ZNF718: variants seen among roughly 807,000 people sequenced by gnomAD.
ZNF718 encodes the protein zinc finger protein 718.
In ZNF718, 3 loss-of-function variants were observed where a neutral mutation model predicts 2.6. The observed-to-expected ratio is 1.16, with a 90% CI of 0.53 to 3.01. The LOEUF (loss-of-function observed/expected upper bound fraction) is 3.01. Ranked by LOEUF, ZNF718 falls within the 30% of genes most tolerant of loss-of-function variation. The pLI, the probability that ZNF718 is intolerant of heterozygous loss-of-function variation, is 0.03. For synonymous variants in ZNF718, 135 were observed against 77.9 expected, an observed-to-expected ratio of 1.73 and a Z score of -3.86; for missense variants, 468 against 230.0, an observed-to-expected ratio of 2.03 and a Z score of -6.69.
chr4:178,493 CATT>C (rs1490651397), intron 3 of ZNF718, among the ~76,000 whole-genome samples: 1 of 152,120 alleles, frequency 6.6e-6, no homozygotes, highest in African/African-American at 2.4e-5. Context: ...TTGGAGGCTG[CATT>C]ATTCTCTTCT....
intron 3 of ZNF718, among the ~76,000 whole-genome samples, chr4:171,070 G>T (rs1246239038): frequency 6.6e-6 from 1 of 152,146 alleles, no homozygotes; most frequent in Admixed American, 6.5e-5. Flanking sequence ...TAACAGTCAG[G>T]ACCCGCAGCT....
chr4:177,402 A>G (rs1225052817), intron 3 of ZNF718, among the ~76,000 whole-genome samples: 3 of 152,214 alleles, frequency 2.0e-5, no homozygotes, highest in East Asian at 3.8e-4. Context: ...AGGCAAGTCC[A>G]GAATCATGTG....
At chr4:147,550 G>A (rs1419182348) in intron 3 of ZNF718, among the ~76,000 whole-genome samples, 2 of 152,048 alleles carry the variant, frequency 1.3e-5, no homozygotes, top group East Asian at 3.9e-4. Context: ...TCTGTTTTCT[G>A]AGAACACCAA....
At chr4:181,262 T>C (rs543739738) in intron 3 of ZNF718, among the ~76,000 whole-genome samples, 1 of 140,742 alleles carries the variant, frequency 7.1e-6, no homozygotes, top group South Asian at 2.4e-4. Flanking sequence ...CACCTCAGCC[T>C]CTCCAAGAGC....
intron 3 of ZNF718, among the ~76,000 whole-genome samples, chr4:175,548 T>A (rs1717328885): frequency 6.6e-6 from 1 of 152,214 alleles, no homozygotes; most frequent in Non-Finnish European, 1.5e-5. Flanking sequence ...GCACTGTTTA[T>A]TCTTTCTTTA....
At chr4:149,006 A>G (rs1057101418) in intron 3 of ZNF718, among the ~76,000 whole-genome samples, 8 of 152,266 alleles carry the variant, frequency 5.3e-5, no homozygotes, top group African/African-American at 1.2e-4. Context: ...TGGATTCACA[A>G]TCTTTTACAT....
chr4:156,296 A>G lies in ZNF718; in HGVS notation c.227-4616A>G, dbSNP rs560106618. ...TTCCTGCATTGTTTATAAGTTGTAT[A>G]CTTGCTCTGTTTGTGTGTATACAAT... is the stretch of plus-strand genomic sequence containing the variant. On this transcript the variant is annotated intron_variant, in intron 3 of 3. Coordinates refer to ENST00000510175, the MANE Select transcript of ZNF718 (RefSeq NM_001039127.6). Among the ~76,000 whole-genome samples the G allele has an allele frequency of 2.6e-5, 4 of 152,134 alleles. No individual in the cohort carries two copies. The South Asian group carries it at 8.3e-4, about 32-fold the overall frequency.
intron 3 of ZNF718, among the ~76,000 whole-genome samples, chr4:135,256 A>AC (rs1330228021): frequency 1.9e-4 from 29 of 150,782 alleles, no homozygotes; most frequent in Non-Finnish European, 3.8e-4. Context: ...AAAAAAAAAA[A>AC]AGTTTATTTT....
intron 3 of ZNF718, among the ~76,000 whole-genome samples, chr4:179,146 CT>C (rs372734108): frequency 1.3e-5 from 2 of 152,160 alleles, no homozygotes; most frequent in African/African-American, 4.8e-5. Flanking sequence ...AGAGTCTGAC[CT>C]TTTCTTCACT....
At chr4:138,783 T>A (rs770794087) in intron 3 of ZNF718, among the ~76,000 whole-genome samples, 14 of 152,140 alleles carry the variant, frequency 9.2e-5, no homozygotes, top group Non-Finnish European at 1.5e-4. Context: ...TTTCTCCACA[T>A]CCTCACCAGC....
At chr4:138,992 T>C (rs1553809860) in intron 3 of ZNF718, among the ~76,000 whole-genome samples, 2 of 152,234 alleles carry the variant, frequency 1.3e-5, no homozygotes, top group Non-Finnish European at 2.9e-5. Flanking sequence ...TTTTATCCTA[T>C]AGAGCTGTTT....
At position 125,762 on chromosome 4, in the gene ZNF718, T is replaced by A. The variant is rs1228807361; in HGVS notation, c.3+1089T>A. ...CAGCCCCCACCCAATGCTAACCCAC[T>A]CCTGAGCACGCCCACTGGGCATTCG... On this transcript the variant is annotated intron_variant, in intron 1 of 3. Coordinates refer to ENST00000510175, the MANE Select transcript of ZNF718 (RefSeq NM_001039127.6). Among the ~76,000 whole-genome samples the A allele has an allele frequency of 3.3e-5, 5 of 152,106 alleles. 1 individual carries two copies. Among genetic ancestry groups the A allele is most frequent in the Admixed American group, 3.3e-4 (5 of 15,276 alleles).
At chr4:184,863 TTTA>T (rs1553820289) in intron 3 of ZNF718, among the ~76,000 whole-genome samples, 2 of 152,184 alleles carry the variant, frequency 1.3e-5, no homozygotes, top group African/African-American at 2.4e-5. Context: ...TAATATCTCT[TTTA>T]TTATTTCTGA....
At position 161,792 on chromosome 4, in the gene ZNF718, T is replaced by G. The variant is rs138124141; in HGVS notation, c.1107T>G (p.Cys369Trp). ...RIHTGEKPYT[C>W]EECGKAFNWS... ...ATACTGGAGAGAAACCCTACACATG[T>G]GAAGAATGTGGAAAAGCCTTTAATT... is the stretch of plus-strand genomic sequence containing the variant. Residue 369 changes from cysteine to tryptophan, a missense_variant, in exon 4 of 4, where the codon TGT becomes TGG. Physicochemically the swap from Cys to Trp is radical, Grantham distance 215. Transcript: ENST00000510175. The G allele has an allele frequency of 2.8e-4, 218 of 780,662 alleles. 1 individual carries two copies. The African/African-American group carries it at 3.1e-3, about 11-fold the overall frequency. 48.4% of individuals were successfully genotyped at this position (780,662 alleles called of 1,614,324 possible). A position where few individuals can be genotyped will look rare whatever the true frequency, so the allele number is the denominator to read the frequency against.
intron 3 of ZNF718, among the ~76,000 whole-genome samples, chr4:157,099 C>CTTTCTTTT: frequency 1.7e-5 from 1 of 58,902 alleles, no homozygotes; most frequent in Non-Finnish European, 3.3e-5. Flanking sequence ...TTCTTTCTTT[C>CTTTCTTTT]TTTCTTTTTT....
At chr4:185,678 C>T (rs538242867) in intron 3 of ZNF718, among the ~76,000 whole-genome samples, 3 of 152,224 alleles carry the variant, frequency 2.0e-5, no homozygotes, top group East Asian at 3.9e-4. Flanking sequence ...TCAGGGTGCT[C>T]CTGTGTTGGG....
rs1715367954 is a variant in ZNF718, at chr4:132,215, C to T, written c.226+710C>T. ...CCCTCCTGGGCAATATAGAGCTAGA[C>T]TCTGTCTCAAATAAATAAATAAATG... On this transcript the variant is annotated intron_variant, in intron 3 of 3. Transcript: ENST00000510175. Among the ~76,000 whole-genome samples, 2 of 101,792 alleles carry T rather than the reference C, an allele frequency of 2.0e-5. 1 individual carries two copies. The highest frequency in any genetic ancestry group is 4.3e-5 in the Non-Finnish European group (2 of 46,172). The allele number at this position is 101,792 out of a possible 152,430, so 66.8% of individuals were successfully genotyped here. A position where few individuals can be genotyped will look rare whatever the true frequency, so the allele number is the denominator to read the frequency against.
chr4:151,999 C>T (rs572024702), intron 3 of ZNF718, among the ~76,000 whole-genome samples: 1,959 of 148,420 alleles, frequency 0.013, 19 homozygotes, highest in Non-Finnish European at 0.02. Context: ...CAGACAAACA[C>T]GTGAACAAAG....
chr4:160,903 T>C lies in ZNF718; in HGVS notation c.227-9T>C, dbSNP rs1243231522. ...AAGTGGGATAATTTGTTATTTTTAT[T>C]TCTTTCAGCTGTGTGTTCTCATTTC... On this transcript the variant is annotated splice_polypyrimidine_tract_variant and intron_variant, in intron 3 of 3. Coordinates refer to ENST00000510175, the MANE Select transcript of ZNF718 (RefSeq NM_001039127.6). 1 of 743,794 alleles carries C rather than the reference T, an allele frequency of 1.3e-6. No individual in the cohort carries two copies. Among genetic ancestry groups the C allele is most frequent in the African/African-American group, 1.8e-5 (1 of 57,084 alleles). 46.1% of individuals were successfully genotyped at this position (743,794 alleles called of 1,614,324 possible). A position where few individuals can be genotyped will look rare whatever the true frequency, so the allele number is the denominator to read the frequency against.
Sources: allele counts gnomAD v4.1 joint callset (sites outside exome capture counted in the v4.1 genomes callset), GRCh38; gene constraint gnomAD v4.1.1; transcripts MANE v1.5; gene names NCBI Gene and HGNC (gene_info 2026-07-23, HGNC 2026-07-21).